The following CAST variants were observed in gnomAD, a reference collection of about 807,000 sequenced individuals.
CAST encodes the protein calpastatin.
In CAST, 76 loss-of-function variants were observed where a neutral mutation model predicts 119.6. The observed-to-expected ratio is 0.64, with a 90% CI of 0.53 to 0.77. The LOEUF (loss-of-function observed/expected upper bound fraction) is 0.77, where lower values mean the gene tolerates loss of function less well. Ranked by LOEUF, CAST falls within the 30% of genes least tolerant of loss-of-function variation. CAST has a pLI of 0.00. For missense variants in CAST, 953 were observed against 946.5 expected, an observed-to-expected ratio of 1.01 and a Z score of -0.09; for synonymous variants, 319 against 331.6, an observed-to-expected ratio of 0.96 and a Z score of 0.41.
chr5:96,766,202 A>G, intron 27 of CAST, 57 bp downstream of exon 27: 2 of 948,596 alleles, frequency 2.1e-6, no homozygotes, highest in Admixed American at 3.7e-5. Flanking sequence ...TTAAATTCAA[A>G]CCTCCCTTGA....
In CAST at chr5:96,615,812, C is replaced by A. The variant is rs1183679344; in HGVS notation, c.61-59727C>A. Among the ~76,000 whole-genome samples the A allele has an allele frequency of 4.6e-5, 7 of 152,280 alleles. No individual in the cohort carries two copies. In the South Asian group the frequency reaches 1.2e-3, roughly 27 times the overall value. On this transcript the variant is annotated intron_variant, in intron 1 of 11. Coordinates refer to the CAST transcript ENST00000505143. ...TGTTCTGGTATTAGGGTTCTCTTGA[C>A]AACCAGAACTAATAGGGTAAATATA...
At chr5:96,303,637 TC>T in the CAST span, among the ~76,000 whole-genome samples, 2 of 151,946 alleles carry the variant, frequency 1.3e-5, no homozygotes, top group Middle Eastern at 3.4e-3. Flanking sequence ...TTTGTGATGT[TC>T]CCCTCCCTGT....
the CAST span, among the ~76,000 whole-genome samples, chr5:96,380,241 A>G: frequency 6.6e-6 from 1 of 152,166 alleles, no homozygotes; most frequent in Non-Finnish European, 1.5e-5. Flanking sequence ...ACTGTACTAG[A>G]AGTCATTTTA....
chr5:96,743,738 C>T (rs147728486), intron 16 of CAST: 52 of 1,591,900 alleles, frequency 3.3e-5, no homozygotes, highest in Non-Finnish European at 4.4e-5. Flanking sequence ...TCGTATCTTC[C>T]AGGACCAAGT....
At chr5:96,602,621 A>G (rs985606013) in intron 1 of CAST, among the ~76,000 whole-genome samples, 2 of 152,158 alleles carry the variant, frequency 1.3e-5, no homozygotes, top group Non-Finnish European at 2.9e-5. Flanking sequence ...GTGGTGGTGC[A>G]TGCCTGTAAT....
chr5:96,704,009 A>G (rs1754434105), intron 3 of CAST, among the ~76,000 whole-genome samples: 1 of 152,196 alleles, frequency 6.6e-6, no homozygotes, highest in Non-Finnish European at 1.5e-5. Context: ...TCTAGGAGGC[A>G]GTATAGGATT....
At chr5:96,119,039 G>A in the CAST span, among the ~76,000 whole-genome samples, 1 of 152,104 alleles carries the variant, frequency 6.6e-6, no homozygotes, top group Non-Finnish European at 1.5e-5. Flanking sequence ...CTAAATGCAT[G>A]CATCATTTTG....
At position 96,729,671 on chromosome 5, in the gene CAST, A is replaced by T. The variant is rs1760047816; in HGVS notation, c.495A>T (p.Lys165Asn). Residue 165 changes from lysine (K) to asparagine (N), a missense_variant, in exon 8 of 32, where the codon AAA becomes AAT. Lys to Asn is a moderately conservative substitution (Grantham distance 94). Transcript: ENST00000675179. ...GAAGTAACGATGCTCACAATAAAAAAGCAGTTTCCAGATCAGCTGAACAGC... is the reference window on the plus strand; with the variant it reads ...GAAGTAACGATGCTCACAATAAAAATGCAGTTTCCAGATCAGCTGAACAGC... ...DTGSNDAHNK[K>N]AVSRSAEQQP... The T allele has an allele frequency of 6.2e-7, 1 of 1,603,596 alleles. No individual in the cohort carries two copies. The highest frequency in any genetic ancestry group is 8.5e-7 in the Non-Finnish European group (1 of 1,170,556).
At chr5:96,557,803 G>A (rs1746274140) in intron 1 of CAST, among the ~76,000 whole-genome samples, 1 of 152,130 alleles carries the variant, frequency 6.6e-6, no homozygotes, top group Non-Finnish European at 1.5e-5. Flanking sequence ...CAACGAGACA[G>A]AAAGTTAACA....
the CAST span, among the ~76,000 whole-genome samples, chr5:96,465,095 A>G: frequency 3.5e-4 from 54 of 152,178 alleles, no homozygotes; most frequent in African/African-American, 1.3e-3. Flanking sequence ...ATAAATTTGT[A>G]TAATCATCTC....
the CAST span, among the ~76,000 whole-genome samples, chr5:96,492,077 T>C: frequency 2.0e-5 from 3 of 152,250 alleles, no homozygotes; most frequent in Non-Finnish European, 4.4e-5. Context: ...GAGATACACG[T>C]AGTTAATAAA....
chr5:96,736,067 G>A (rs1761573577), intron 9 of CAST, 105 bp from the exon 10 acceptor site: 2 of 686,528 alleles, frequency 2.9e-6, no homozygotes, highest in South Asian at 1.8e-5. Context: ...GATGTTCAGT[G>A]TATGATCAAT....
intron 1 of CAST, among the ~76,000 whole-genome samples, chr5:96,664,713 A>C (rs1749098321): frequency 1.3e-5 from 2 of 152,224 alleles, no homozygotes; most frequent in South Asian, 4.1e-4. Flanking sequence ...TTAGATTTAA[A>C]AGTCAAAATG....
At chr5:96,252,281 A>G in the CAST span, among the ~76,000 whole-genome samples, 6 of 152,112 alleles carry the variant, frequency 3.9e-5, no homozygotes, top group Admixed American at 2.6e-4. Context: ...TCATTACACT[A>G]TGTTTTCTGT....
the CAST span, among the ~76,000 whole-genome samples, chr5:95,984,584 T>G: frequency 6.6e-6 from 1 of 152,192 alleles, no homozygotes; most frequent in Non-Finnish European, 1.5e-5. Context: ...CCAAGTAGAT[T>G]CTACACTTTG....
chr5:96,450,278 T>A, the CAST span, among the ~76,000 whole-genome samples: 5 of 152,308 alleles, frequency 3.3e-5, no homozygotes, highest in East Asian at 5.8e-4. Context: ...AAAATAAAAT[T>A]ATGTCTTTTG....
At chr5:96,490,116 A>G in the CAST span, among the ~76,000 whole-genome samples, 3 of 152,236 alleles carry the variant, frequency 2.0e-5, no homozygotes, top group Non-Finnish European at 2.9e-5. Flanking sequence ...AAGTATGATC[A>G]ACAATTGTCA....
the CAST span, among the ~76,000 whole-genome samples, chr5:96,240,082 G>T: frequency 6.6e-6 from 1 of 151,960 alleles, no homozygotes; most frequent in South Asian, 2.1e-4. Flanking sequence ...TGTAAATTTT[G>T]CTTTGTTTTT....
At chr5:96,285,848 T>C in the CAST span, among the ~76,000 whole-genome samples, 2 of 152,206 alleles carry the variant, frequency 1.3e-5, no homozygotes, top group South Asian at 4.1e-4. Flanking sequence ...TCAATAGTGG[T>C]TATACTCAGT....
Sources: allele counts gnomAD v4.1 joint callset (sites outside exome capture counted in the v4.1 genomes callset), GRCh38; gene constraint gnomAD v4.1.1; transcripts MANE v1.5; gene names NCBI Gene and HGNC (gene_info 2026-07-23, HGNC 2026-07-21).